The following DTNB variants were observed in gnomAD, a reference collection of about 807,000 sequenced individuals.
DTNB encodes the protein DTN-B.
Under a neutral mutation model 90.7 loss-of-function variants are expected in DTNB, and 63 were observed. The ratio of observed to expected loss-of-function variants is 0.69; its 90% CI spans 0.57 to 0.86. DTNB has a LOEUF of 0.86. Ranked by LOEUF, DTNB falls within the 40% of genes least tolerant of loss-of-function variation. The pLI is 0.00. For synonymous variants in DTNB, 277 were observed against 286.7 expected (o/e 0.97, Z 0.34); for missense variants, 744 against 807.1 (o/e 0.92, Z 0.95).
intron 14 of DTNB, among the ~76,000 whole-genome samples, chr2:25,432,271 G>A (rs2054151998): frequency 6.7e-6 from 1 of 150,208 alleles, no homozygotes; most frequent in Non-Finnish European, 1.5e-5. Flanking sequence ...TAGGCAATAA[G>A]ACCCTAACAA....
At chr2:25,650,249 C>T (rs554567891) in intron 2 of DTNB, 1 of 985,264 alleles carries the variant, frequency 1.0e-6, no homozygotes, top group African/African-American at 1.7e-5. Flanking sequence ...ATTTTGTCTG[C>T]TTCCCTTTAC....
At chr2:25,432,520 A>G (rs2054250969) in intron 14 of DTNB, among the ~76,000 whole-genome samples, 1 of 152,210 alleles carries the variant, frequency 6.6e-6, no homozygotes, top group Non-Finnish European at 1.5e-5. Context: ...ATATACTCAC[A>G]GCAAAGGCAA....
intron 10 of DTNB, among the ~76,000 whole-genome samples, chr2:25,455,833 C>T (rs974657211): frequency 1.3e-5 from 2 of 152,228 alleles, no homozygotes; most frequent in Non-Finnish European, 2.9e-5. Context: ...TTAGAAGATG[C>T]CTTCTGGCAA....
chr2:25,415,504 CGT>C (rs2047689569), intron 16 of DTNB, among the ~76,000 whole-genome samples: 1 of 152,050 alleles, frequency 6.6e-6, no homozygotes, highest in Non-Finnish European at 1.5e-5. Flanking sequence ...GAGTGATATG[CGT>C]GTCTTTTGCA....
chr2:25,562,784 T>G (rs1240883038), intron 8 of DTNB, among the ~76,000 whole-genome samples: 1 of 152,160 alleles, frequency 6.6e-6, no homozygotes, highest in African/African-American at 2.4e-5. Context: ...TTTTTTTTCT[T>G]TTTTTTGAGA....
chr2:25,509,163 T>A (rs1376329220), intron 9 of DTNB, among the ~76,000 whole-genome samples: 1 of 152,204 alleles, frequency 6.6e-6, no homozygotes, highest in Non-Finnish European at 1.5e-5. Context: ...CTTTTTCTCG[T>A]ATTACTGCAC....
intron 4 of DTNB, among the ~76,000 whole-genome samples, chr2:25,621,781 T>C (rs2072752380): frequency 6.6e-6 from 1 of 151,958 alleles, no homozygotes; most frequent in African/African-American, 2.4e-5. Context: ...TAAATGGTTG[T>C]TAGCCACATT....
intron 17 of DTNB, 130 bp downstream of exon 17, chr2:25,388,072 C>T (rs1351541142): frequency 9.0e-6 from 13 of 1,440,530 alleles, no homozygotes; most frequent in East Asian, 2.5e-5. Flanking sequence ...GACTTATTTA[C>T]ACTGTCTGTC....
intron 1 of DTNB, among the ~76,000 whole-genome samples, chr2:25,670,690 G>A (rs760514565): frequency 9.2e-5 from 14 of 152,180 alleles, no homozygotes; most frequent in Admixed American, 1.3e-4. Flanking sequence ...TCTGATGCTC[G>A]TGTAATTCGA....
At chr2:25,503,731 G>A (rs921074940) in intron 9 of DTNB, among the ~76,000 whole-genome samples, 6 of 151,202 alleles carry the variant, frequency 4.0e-5, no homozygotes, top group Middle Eastern at 6.8e-3. Context: ...TGGCTAACAC[G>A]GTGAAACCCC....
At chr2:25,431,205 A>AT (rs35256450) in intron 14 of DTNB, among the ~76,000 whole-genome samples, 29,172 of 147,676 alleles carry the variant, frequency 0.2, 3,509 homozygotes, top group Non-Finnish European at 0.28. Flanking sequence ...TTCTTCTAGA[A>AT]TTTTTTTTTT....
chr2:25,381,222 T>C (rs986862498), intron 19 of DTNB, among the ~76,000 whole-genome samples: 5 of 151,966 alleles, frequency 3.3e-5, no homozygotes, highest in African/African-American at 7.3e-5. Context: ...TGTGTGCGCG[T>C]GTTTGCAGCA....
At chr2:25,446,444 C>T (rs535077592) in intron 12 of DTNB, among the ~76,000 whole-genome samples, 7 of 151,880 alleles carry the variant, frequency 4.6e-5, no homozygotes, top group East Asian at 1.9e-4. Flanking sequence ...TTAGTAGAGA[C>T]GAGGTCTCAC....
chr2:25,600,439 G>A (rs1230158768), intron 5 of DTNB, among the ~76,000 whole-genome samples: 1 of 152,218 alleles, frequency 6.6e-6, no homozygotes, highest in Non-Finnish European at 1.5e-5. Context: ...AAGGCCATAT[G>A]GCAGAAGAAA....
chr2:25,668,142 G>C (rs1259927314), intron 1 of DTNB, among the ~76,000 whole-genome samples: 1 of 152,176 alleles, frequency 6.6e-6, no homozygotes, highest in Non-Finnish European at 1.5e-5. Context: ...GGGAGGCTGA[G>C]GCAGGAGAAT....
At chr2:25,391,855 TA>T (rs2041211839) in intron 16 of DTNB, among the ~76,000 whole-genome samples, 1 of 152,172 alleles carries the variant, frequency 6.6e-6, no homozygotes, top group Non-Finnish European at 1.5e-5. Flanking sequence ...GATGGAAATT[TA>T]AAAATTCTTT....
chr2:25,405,047 A>G (rs12622767), intron 16 of DTNB, among the ~76,000 whole-genome samples: 70,566 of 151,798 alleles, frequency 0.46, 19,888 homozygotes, highest in African/African-American at 0.79. Context: ...GGGCTCAAGT[A>G]ATCCTCCCAC....
chr2:25,607,395 G>A, intron 4 of DTNB, 74 bp from the exon 5 acceptor site: 1 of 1,386,140 alleles, frequency 7.2e-7, no homozygotes, highest in Non-Finnish European at 9.9e-7. Context: ...ACTAAATACT[G>A]AGCAACCCAG....
At chr2:25,661,236 A>C (rs2083114615) in intron 1 of DTNB, among the ~76,000 whole-genome samples, 1 of 152,196 alleles carries the variant, frequency 6.6e-6, no homozygotes. Context: ...TAAGTATCAA[A>C]ACTCATGAGA....
Sources: gnomAD v4.1 joint callset for allele counts (sites outside exome capture counted in the v4.1 genomes callset) on GRCh38, gnomAD v4.1.1 for gene constraint, MANE v1.5 for transcripts, NCBI Gene and HGNC (gene_info 2026-07-23, HGNC 2026-07-21) for gene names.